Variants in IBTK observed in about 807,000 individuals in gnomAD.
IBTK encodes the protein BTK-binding protein.
Under a neutral mutation model 154.9 loss-of-function variants are expected in IBTK, and 83 were observed. The observed-to-expected ratio is 0.54, with a 90% CI of 0.45 to 0.64. The LOEUF (loss-of-function observed/expected upper bound fraction) is 0.64. Among genes scored for constraint, IBTK ranks in the 30% least tolerant of loss-of-function variants. The pLI is 0.00. For synonymous variants in IBTK, 515 were observed against 536.1 expected, an observed-to-expected ratio of 0.96 and a Z score of 0.54; for missense variants, 1,332 against 1,584.6, an observed-to-expected ratio of 0.84 and a Z score of 2.71.
rs79123810 is a variant in IBTK, at chr6:82,185,205, A to C, written c.3576-3177T>G. Among the ~76,000 whole-genome samples, 4 of 151,568 alleles carry C rather than the reference A, an allele frequency of 2.6e-5. No homozygotes were observed. The East Asian group carries it at 5.8e-4, about 22-fold the overall frequency. ...CTCAGAAAAAAAAAAAAAAAAAAAA[A>C]ACAGATAAATCATCACAGTCATGAA... On this transcript the variant is annotated intron_variant, in intron 25 of 28. Coordinates refer to ENST00000306270, the MANE Select transcript of IBTK (RefSeq NM_015525.4).
rs990877436 is a variant in IBTK at position 82,173,559 on chromosome 6, C to T, written c.3726-121G>A. On this transcript the variant is annotated intron_variant, in intron 26 of 28. Coordinates refer to ENST00000306270, the MANE Select transcript of IBTK (RefSeq NM_015525.4). Reference sequence around the variant, plus strand: ...ACTCCAGAGGCAAATTAAATGAGTGCAGTCAAGCTTACCTTTAAAATTATA... The same window carrying T: ...ACTCCAGAGGCAAATTAAATGAGTGTAGTCAAGCTTACCTTTAAAATTATA... 24 of 631,172 alleles carry T rather than the reference C, an allele frequency of 3.8e-5. No individual in the cohort carries two copies. The South Asian group carries it at 5.3e-4, about 14-fold the overall frequency. 39.1% of individuals were successfully genotyped at this position (631,172 alleles called of 1,614,324 possible).
chr6:82,235,663 A>G (rs918403455), intron 2 of IBTK, among the ~76,000 whole-genome samples: 2 of 152,176 alleles, frequency 1.3e-5, no homozygotes, highest in African/African-American at 2.4e-5. Context: ...TTTAGTTTAT[A>G]CTTACTCTAT....
At chr6:82,221,936 G>A (rs1304382222) in intron 8 of IBTK, among the ~76,000 whole-genome samples, 4 of 152,076 alleles carry the variant, frequency 2.6e-5, no homozygotes, top group African/African-American at 4.8e-5. Context: ...AGGCCAAGGT[G>A]GGCGAATCAC....
intron 19 of IBTK, 58 bp from the exon 20 acceptor site, chr6:82,200,766 T>C: frequency 6.8e-7 from 1 of 1,465,134 alleles, no homozygotes. Flanking sequence ...TTTTTTTTTT[T>C]TTTTTTTTTT....
intron 25 of IBTK, among the ~76,000 whole-genome samples, chr6:82,185,151 G>A (rs891375356): frequency 1.3e-4 from 18 of 136,770 alleles, no homozygotes; most frequent in African/African-American, 5.0e-4. Flanking sequence ...CCACGGCACT[G>A]CAGCCTGGGC....
At chr6:82,185,203 A>G (rs1768500940) in intron 25 of IBTK, among the ~76,000 whole-genome samples, 1 of 151,572 alleles carries the variant, frequency 6.6e-6, no homozygotes, top group East Asian at 1.9e-4. Flanking sequence ...AAAAAAAAAA[A>G]AAACAGATAA....
In IBTK at chr6:82,216,067, C is replaced by CA. The variant is rs966026228; in HGVS notation, c.1601+8dup. ...TCTAAAAAATGAAATTTAATATATA[C>CA]AAGTATACCTTGTTTTAGGATCTGA... On this transcript the variant is annotated intron_variant, in intron 11 of 28. Transcript: ENST00000306270. The CA allele has an allele frequency of 2.5e-6, 4 of 1,591,860 alleles. No homozygotes were observed. Among genetic ancestry groups the CA allele is most frequent in the Non-Finnish European group, 3.4e-6 (4 of 1,169,040 alleles).
At chr6:82,225,284 T>A (rs895576718) in intron 6 of IBTK, among the ~76,000 whole-genome samples, 193 bp downstream of exon 6, 1 of 151,998 alleles carries the variant, frequency 6.6e-6, no homozygotes, top group Admixed American at 6.6e-5. Context: ...CACTCCAGCC[T>A]GGGCAACAGA....
At chr6:82,198,919 G>A (rs2127806777) in intron 21 of IBTK, among the ~76,000 whole-genome samples, 1 of 151,832 alleles carries the variant, frequency 6.6e-6, no homozygotes, top group South Asian at 2.1e-4. Flanking sequence ...AAGTACAGCA[G>A]TTTTATACTA....
At position 82,240,821 on chromosome 6, in the gene IBTK, A is replaced by G. The variant is rs905399643; in HGVS notation, c.-335T>C. 1.4e-5 allele frequency: 6 copies of G among 415,666 alleles called. No individual in the cohort carries two copies. In the East Asian group the frequency reaches 2.1e-4, roughly 14 times the overall value. The allele number at this position is 415,666 out of a possible 1,614,324, so 25.7% of individuals were successfully genotyped here. A position where few individuals can be genotyped will look rare whatever the true frequency, so the allele number is the denominator to read the frequency against. ...CCTCCACACTGTCTGACCCTTTTAAATATCCATAATTGCAAGGGTGACCTA... is the reference window on the plus strand; with the variant it reads ...CCTCCACACTGTCTGACCCTTTTAAGTATCCATAATTGCAAGGGTGACCTA... On this transcript the variant is annotated 5_prime_UTR_variant, in exon 2 of 29. Coordinates refer to ENST00000306270, the MANE Select transcript of IBTK (RefSeq NM_015525.4).
At chr6:82,213,031 T>G (rs571858315) in intron 12 of IBTK, among the ~76,000 whole-genome samples, 85 of 140,916 alleles carry the variant, frequency 6.0e-4, no homozygotes, top group African/African-American at 2.3e-3. Context: ...ACAAAGTTTT[T>G]CCTTTTTTTT....
In IBTK at chr6:82,200,608, A is replaced by C; in HGVS notation, c.2891T>G (p.Ile964Arg). 2 of 1,572,176 alleles carry C rather than the reference A, an allele frequency of 1.3e-6. No individual in the cohort carries two copies. Among genetic ancestry groups the C allele is most frequent in the South Asian group, 1.2e-5 (1 of 84,444 alleles). ...TTACGAATGATTTTGTTCCATATTT[A>C]TTTCTTCTTTCAAGAAGATATCTCC... is the stretch of plus-strand genomic sequence containing the variant. ...EDGDIFLKEE[I>R]NMEQNHSETM... The change falls in exon 20 of 29, where the codon ATA becomes AGA. Residue 964 changes from isoleucine (I) to arginine (R), a missense_variant. By Grantham distance (97) the Ile-to-Arg change is moderately conservative (BLOSUM62 -3). Transcript: ENST00000306270.
intron 1 of IBTK, among the ~76,000 whole-genome samples, chr6:82,241,200 G>A (rs1770938570): frequency 6.6e-6 from 1 of 151,926 alleles, no homozygotes; most frequent in Non-Finnish European, 1.5e-5. Context: ...GTACTCTGGA[G>A]TTTCTCTTTC....
intron 26 of IBTK, among the ~76,000 whole-genome samples, chr6:82,177,575 C>T (rs12190543): frequency 0.41 from 62,117 of 151,772 alleles, 13,392 homozygotes; most frequent in East Asian, 0.74. Flanking sequence ...ACCCCTGGCC[C>T]GGCTAATTTT....
chr6:82,206,380 G>A (rs561198910), intron 16 of IBTK, among the ~76,000 whole-genome samples: 8 of 152,128 alleles, frequency 5.3e-5, no homozygotes, highest in Middle Eastern at 6.8e-3. Flanking sequence ...CCTTTTATAC[G>A]GGGGCAAACA....
At chr6:82,205,013 A>G (rs981825931) in intron 16 of IBTK, 55 bp from the exon 17 acceptor site, 35 of 1,112,456 alleles carry the variant, frequency 3.1e-5, no homozygotes, top group Middle Eastern at 2.1e-4. Context: ...TTATACCTAG[A>G]AAAAAAAATT....
intron 16 of IBTK, among the ~76,000 whole-genome samples, chr6:82,208,562 G>A (rs548390391): frequency 1.3e-5 from 2 of 152,034 alleles, no homozygotes; most frequent in South Asian, 4.2e-4. Flanking sequence ...GGCAATATAG[G>A]GAGGCTCTGT....
chr6:82,175,214 G>A (rs1291440282), intron 26 of IBTK, among the ~76,000 whole-genome samples: 3 of 152,074 alleles, frequency 2.0e-5, no homozygotes, highest in Non-Finnish European at 4.4e-5. Context: ...TTTAGTATAC[G>A]ATAATGAAAA....
intron 26 of IBTK, among the ~76,000 whole-genome samples, chr6:82,175,174 C>T (rs1411741041): frequency 3.3e-5 from 5 of 152,016 alleles, no homozygotes; most frequent in Non-Finnish European, 5.9e-5. Flanking sequence ...AGAAAATTAA[C>T]GACTGAAACA....
Sources: allele counts gnomAD v4.1 joint callset (sites outside exome capture counted in the v4.1 genomes callset), GRCh38; gene constraint gnomAD v4.1.1; transcripts MANE v1.5; gene names NCBI Gene and HGNC (gene_info 2026-07-23, HGNC 2026-07-21).